Variants in CDC14A observed in about 807,000 individuals in gnomAD.
The protein encoded by CDC14A is dual specificity protein phosphatase CDC14A.
Under a neutral mutation model 74.4 loss-of-function variants are expected in CDC14A, and 53 were observed. The ratio of observed to expected loss-of-function variants is 0.71; its 90% CI spans 0.57 to 0.89. The LOEUF (loss-of-function observed/expected upper bound fraction) is 0.89. CDC14A is among the 40% of genes least tolerant of loss of function. The pLI, the probability that CDC14A is intolerant of heterozygous loss-of-function variation, is 0.00. For missense variants in CDC14A, 646 were observed against 713.7 expected (o/e 0.91, Z 1.08); for synonymous variants, 247 against 258.4 (o/e 0.96, Z 0.43).
At chr1:100,411,913 C>T (rs994881333) in intron 4 of CDC14A, among the ~76,000 whole-genome samples, 1 of 152,140 alleles carries the variant, frequency 6.6e-6, no homozygotes, top group Non-Finnish European at 1.5e-5. Flanking sequence ...GAGATGCCCT[C>T]TTTGGGGTGG....
chr1:100,498,047 T>C, intron 13 of CDC14A, 38 bp from the exon 14 acceptor site: 1 of 1,593,366 alleles, frequency 6.3e-7, no homozygotes, highest in Non-Finnish European at 8.5e-7. Flanking sequence ...AAGATAAGAC[T>C]ACTTTATTGT....
chr1:100,430,318 C>T (rs1331978230), intron 5 of CDC14A, among the ~76,000 whole-genome samples: 1 of 152,116 alleles, frequency 6.6e-6, no homozygotes, highest in Non-Finnish European at 1.5e-5. Flanking sequence ...TCTTCTCTAA[C>T]AGAGGATTCA....
chr1:100,451,899 T>C (rs1015307129), intron 7 of CDC14A, among the ~76,000 whole-genome samples: 1 of 152,226 alleles, frequency 6.6e-6, no homozygotes, highest in Non-Finnish European at 1.5e-5. Context: ...CACCTGCCTT[T>C]GGACTCTGTA....
At chr1:100,381,545 A>G (rs1218708361) in intron 3 of CDC14A, among the ~76,000 whole-genome samples, 3 of 152,098 alleles carry the variant, frequency 2.0e-5, no homozygotes, top group African/African-American at 7.2e-5. Flanking sequence ...TAGATAGGTA[A>G]TATTTTGCTG....
At chr1:100,439,894 A>C in intron 5 of CDC14A, 38 bp from the exon 6 acceptor site, 1 of 1,453,690 alleles carries the variant, frequency 6.9e-7, no homozygotes, top group Non-Finnish European at 9.7e-7. Flanking sequence ...AATGTTCTAA[A>C]TGCAAGTTTT....
At chr1:100,405,705 G>C (rs1173607912) in intron 4 of CDC14A, among the ~76,000 whole-genome samples, 1 of 152,182 alleles carries the variant, frequency 6.6e-6, no homozygotes, top group Non-Finnish European at 1.5e-5. Flanking sequence ...CAAAGGACAT[G>C]ATCTTGTTTC....
intron 5 of CDC14A, among the ~76,000 whole-genome samples, chr1:100,436,192 G>C (rs760737867): frequency 3.3e-5 from 5 of 152,156 alleles, no homozygotes; most frequent in African/African-American, 1.2e-4. Flanking sequence ...ATGTGGGGCA[G>C]GTATCTTTCT....
chr1:100,429,181 G>A (rs966393248), intron 5 of CDC14A, among the ~76,000 whole-genome samples: 20 of 100,262 alleles, frequency 2.0e-4, no homozygotes, highest in African/African-American at 7.9e-4. Flanking sequence ...TCCAGCCTGG[G>A]CAACAGAACA....
chr1:100,437,910 C>T (rs995418683), intron 5 of CDC14A, among the ~76,000 whole-genome samples: 14 of 151,502 alleles, frequency 9.2e-5, no homozygotes, highest in Non-Finnish European at 1.9e-4. Context: ...TTTTTACCCC[C>T]TTTTAAAAAA....
chr1:100,461,888 TAAGTC>T (rs1667349913), intron 8 of CDC14A, among the ~76,000 whole-genome samples: 1 of 152,248 alleles, frequency 6.6e-6, no homozygotes, highest in South Asian at 2.1e-4. Context: ...GTAGAATGGT[TAAGTC>T]AAGTCTTACT....
rs935574205 is a variant in CDC14A, at chr1:100,452,048, A to T, written c.520-3357A>T. ...GTTTCTGCATGTTTTCCTAGAAAACACATCTGTTGATATAGGAAATCAACC... is the reference window on the plus strand; with the variant it reads ...GTTTCTGCATGTTTTCCTAGAAAACTCATCTGTTGATATAGGAAATCAACC... On this transcript the variant is annotated intron_variant, in intron 7 of 15. Coordinates refer to ENST00000336454, the MANE Select transcript of CDC14A (RefSeq NM_003672.4). Among the ~76,000 whole-genome samples, 5 of 152,238 alleles carry T rather than the reference A, an allele frequency of 3.3e-5. No individual in the cohort carries two copies. In the South Asian group the frequency reaches 1.0e-3, roughly 32 times the overall value.
At chr1:100,393,432 G>T in intron 4 of CDC14A, 1 of 784,470 alleles carries the variant, frequency 1.3e-6, no homozygotes, top group Middle Eastern at 3.0e-4. Flanking sequence ...ACCAGAGGAA[G>T]GGGCTGGAAG....
intron 4 of CDC14A, among the ~76,000 whole-genome samples, chr1:100,400,009 C>T (rs370915461): frequency 6.6e-6 from 1 of 152,196 alleles, no homozygotes; most frequent in Non-Finnish European, 1.5e-5. Context: ...TCAGAATGCT[C>T]TATTAAATAC....
chr1:100,496,556 T>A (rs1647861017), intron 13 of CDC14A, among the ~76,000 whole-genome samples: 3 of 152,142 alleles, frequency 2.0e-5, no homozygotes, highest in African/African-American at 7.2e-5. Flanking sequence ...CACGATCTGG[T>A]GTGGCACTCA....
At chr1:100,436,568 G>T (rs1355508083) in intron 5 of CDC14A, among the ~76,000 whole-genome samples, 2 of 152,032 alleles carry the variant, frequency 1.3e-5, no homozygotes, top group Non-Finnish European at 2.9e-5. Flanking sequence ...GGGATTACAG[G>T]TACCTGCCAC....
intron 13 of CDC14A, among the ~76,000 whole-genome samples, chr1:100,497,340 G>A (rs1004969487): frequency 6.6e-6 from 1 of 152,224 alleles, no homozygotes; most frequent in African/African-American, 2.4e-5. Flanking sequence ...CCCATTCAGG[G>A]AACTCAAGGC....
chr1:100,346,202 A>C (rs1279306438), intron 1 of CDC14A, among the ~76,000 whole-genome samples: 1 of 151,926 alleles, frequency 6.6e-6, no homozygotes, highest in Non-Finnish European at 1.5e-5. Flanking sequence ...CAAAACAAAA[A>C]AAACCTTTAG....
At chr1:100,380,441 G>A (rs996952996) in intron 3 of CDC14A, among the ~76,000 whole-genome samples, 14 of 152,118 alleles carry the variant, frequency 9.2e-5, no homozygotes, top group East Asian at 1.9e-4. Context: ...GTTGTCCCAC[G>A]CTGACTTTGA....
chr1:100,495,732 T>C (rs1397353400), intron 12 of CDC14A, among the ~76,000 whole-genome samples: 1 of 152,176 alleles, frequency 6.6e-6, no homozygotes, highest in African/African-American at 2.4e-5. Flanking sequence ...GGAGAAACTA[T>C]AACACTGTAG....
Sources: gnomAD v4.1 joint callset for allele counts (sites outside exome capture counted in the v4.1 genomes callset) on GRCh38, gnomAD v4.1.1 for gene constraint, MANE v1.5 for transcripts, NCBI Gene and HGNC (gene_info 2026-07-23, HGNC 2026-07-21) for gene names.